Variants in PCLO observed in about 807,000 individuals in gnomAD.
The protein encoded by PCLO is piccolo presynaptic cytomatrix protein.
In PCLO, 82 loss-of-function variants were observed where a neutral mutation model predicts 427.5. The ratio of observed to expected loss-of-function variants is 0.19; its 90% CI spans 0.16 to 0.23. The LOEUF is 0.23. PCLO is among the 10% of genes least tolerant of loss of function. PCLO has a pLI of 1.00. For missense variants in PCLO, 6,239 were observed against 6,115.9 expected, an observed-to-expected ratio of 1.02 and a Z score of -0.67; for synonymous variants, 2,357 against 2,155.4, an observed-to-expected ratio of 1.09 and a Z score of -2.59.
At chr7:83,080,183 C>T (rs768168560) in intron 3 of PCLO, among the ~76,000 whole-genome samples, 3 of 152,078 alleles carry the variant, frequency 2.0e-5, no homozygotes, top group African/African-American at 4.8e-5. Context: ...AATGAACATA[C>T]GCATGCATGC....
chr7:83,079,410 G>A (rs1302563714), intron 3 of PCLO, among the ~76,000 whole-genome samples: 1 of 151,846 alleles, frequency 6.6e-6, no homozygotes, highest in Non-Finnish European at 1.5e-5. Context: ...TTATTCAAGG[G>A]GTAGAAATAA....
intron 22 of PCLO, among the ~76,000 whole-genome samples, chr7:82,782,223 C>G (rs565555096): frequency 2.0e-5 from 3 of 152,232 alleles, no homozygotes; most frequent in East Asian, 1.9e-4. Context: ...CAGCTGGTAT[C>G]TGTAATTTGG....
At chr7:82,786,129 C>T (rs1369679577) in intron 22 of PCLO, among the ~76,000 whole-genome samples, 1 of 151,906 alleles carries the variant, frequency 6.6e-6, no homozygotes, top group Non-Finnish European at 1.5e-5. Flanking sequence ...TAAAGTTAGG[C>T]AGTAGTTAGA....
intron 3 of PCLO, among the ~76,000 whole-genome samples, chr7:83,003,974 T>C (rs905832801): frequency 1.3e-5 from 2 of 151,822 alleles, no homozygotes; most frequent in Admixed American, 1.3e-4. Context: ...TATCTGGTAT[T>C]GGGCTTTTCT....
At chr7:82,825,646 T>C (rs1791917184) in intron 18 of PCLO, among the ~76,000 whole-genome samples, 1 of 148,216 alleles carries the variant, frequency 6.7e-6, no homozygotes, top group Admixed American at 6.8e-5. Context: ...ATACATAATA[T>C]GTATAGTATA....
intron 3 of PCLO, among the ~76,000 whole-genome samples, chr7:83,040,476 C>T (rs927533996): frequency 6.6e-6 from 1 of 152,078 alleles, no homozygotes; most frequent in African/African-American, 2.4e-5. Flanking sequence ...TAAATTGTTT[C>T]GCAGGCTAAT....
At chr7:82,766,044 G>A (rs1240831912) in intron 22 of PCLO, among the ~76,000 whole-genome samples, 2 of 152,042 alleles carry the variant, frequency 1.3e-5, no homozygotes. Flanking sequence ...GCATTCTTGA[G>A]TACAACAGAT....
At chr7:83,024,644 C>T (rs1160658035) in intron 3 of PCLO, among the ~76,000 whole-genome samples, 1 of 152,226 alleles carries the variant, frequency 6.6e-6, no homozygotes, top group African/African-American at 2.4e-5. Context: ...GGCTCCACCT[C>T]TGGGGGCAGG....
chr7:83,108,790 T>G (rs1010976179), intron 3 of PCLO, among the ~76,000 whole-genome samples: 1 of 151,910 alleles, frequency 6.6e-6, no homozygotes, highest in Non-Finnish European at 1.5e-5. Context: ...TGAAAGAGAT[T>G]ATATTATCAT....
chr7:82,864,350 C>T (rs1793040164), intron 10 of PCLO, among the ~76,000 whole-genome samples: 1 of 151,980 alleles, frequency 6.6e-6, no homozygotes, highest in South Asian at 2.1e-4. Flanking sequence ...ACATCATGAA[C>T]AAATGCTCAC....
At chr7:82,905,467 G>A (rs746856603) in intron 8 of PCLO, among the ~76,000 whole-genome samples, 7 of 151,718 alleles carry the variant, frequency 4.6e-5, no homozygotes, top group African/African-American at 1.2e-4. Context: ...TCCTAGCACC[G>A]TATGCATATA....
chr7:82,833,971 A>G (rs2115730554), intron 16 of PCLO, among the ~76,000 whole-genome samples: 1 of 152,182 alleles, frequency 6.6e-6, no homozygotes, highest in Admixed American at 6.5e-5. Flanking sequence ...GACCTCACTT[A>G]TTGGCTTCCA....
chr7:83,133,096 C>G (rs1043046266), intron 3 of PCLO, among the ~76,000 whole-genome samples: 3 of 151,870 alleles, frequency 2.0e-5, no homozygotes, highest in Admixed American at 2.0e-4. Flanking sequence ...CATTTTCATA[C>G]AGTGTTAATT....
At position 82,952,126 on chromosome 7, in the gene PCLO, C is replaced by T. The variant is rs1795366925; in HGVS notation, c.8827G>A (p.Val2943Met). The T allele has an allele frequency of 1.9e-6, 3 of 1,613,768 alleles. No homozygotes were observed. Among genetic ancestry groups the T allele is most frequent in the Admixed American group, 1.7e-5 (1 of 59,994 alleles). Residue 2943 changes from valine (V) to methionine (M), a missense_variant, in exon 5 of 25, where the codon GTG becomes ATG. By Grantham distance (21) the Val-to-Met change is conservative. Transcript: ENST00000333891. Reference sequence around the variant, plus strand: ...CTTCCAAATGGTAATTTATAAACCACATCACAGCACACAGCTCTTCTCCCT... The same window carrying T: ...CTTCCAAATGGTAATTTATAAACCATATCACAGCACACAGCTCTTCTCCCT... ...TAGRRAVCCD[V>M]VYKLPFGRSC... is the part of the protein sequence containing the mutation.
chr7:82,827,536 A>T (rs911010368), intron 17 of PCLO, among the ~76,000 whole-genome samples: 2 of 152,066 alleles, frequency 1.3e-5, no homozygotes, highest in African/African-American at 4.8e-5. Context: ...GTCAAAATAT[A>T]GCCAGTTGGA....
intron 10 of PCLO, among the ~76,000 whole-genome samples, chr7:82,864,491 T>C (rs1793043737): frequency 6.6e-6 from 1 of 152,116 alleles, no homozygotes; most frequent in Non-Finnish European, 1.5e-5. Context: ...TAAAATTTTA[T>C]TTGGACTTAA....
At chr7:83,024,954 A>G (rs1453416307) in intron 3 of PCLO, among the ~76,000 whole-genome samples, 3 of 152,180 alleles carry the variant, frequency 2.0e-5, no homozygotes, top group Non-Finnish European at 4.4e-5. Context: ...ACCCATCTGT[A>G]CATCACCATC....
At chr7:83,093,492 A>ATTTTTT (rs1169852004) in intron 3 of PCLO, among the ~76,000 whole-genome samples, 31 of 59,316 alleles carry the variant, frequency 5.2e-4, no homozygotes, top group African/African-American at 9.7e-4. Flanking sequence ...ATATATATAT[A>ATTTTTT]TTTTTTTTTT....
chr7:82,801,659 G>T, intron 21 of PCLO, 68 bp from the exon 22 acceptor site: 1 of 936,010 alleles, frequency 1.1e-6, no homozygotes, highest in South Asian at 1.5e-5. Context: ...GGCTAAATTT[G>T]CATAAATAAA....
Sources: gnomAD v4.1 joint callset for allele counts (sites outside exome capture counted in the v4.1 genomes callset) on GRCh38, gnomAD v4.1.1 for gene constraint, MANE v1.5 for transcripts, NCBI Gene and HGNC (gene_info 2026-07-23, HGNC 2026-07-21) for gene names.